Variants in ASAP3 observed in about 807,000 individuals in gnomAD.
ASAP3 encodes ArfGAP with SH3 domain, ankyrin repeat and PH domain 3, also known as arf-GAP with SH3 domain, ANK repeat and PH domain-containing protein 3.
A neutral mutation model predicts 118.2 loss-of-function variants in ASAP3; 85 were observed. The observed-to-expected ratio is 0.72, with a 90% CI of 0.60 to 0.86. The LOEUF (loss-of-function observed/expected upper bound fraction) is 0.86, where lower values mean the gene tolerates loss of function less well. Among genes scored for constraint, ASAP3 ranks in the 40% least tolerant of loss-of-function variants. ASAP3 has a pLI of 0.00. For synonymous variants in ASAP3, 432 were observed against 477.4 expected, an observed-to-expected ratio of 0.90 and a Z score of 1.24; for missense variants, 1,026 against 1,175.0, an observed-to-expected ratio of 0.87 and a Z score of 1.85.
intron 1 of ASAP3, among the ~76,000 whole-genome samples, chr1:23,478,916 A>C (rs1018646838): frequency 2.0e-5 from 3 of 152,194 alleles, no homozygotes; most frequent in African/African-American, 7.2e-5. Flanking sequence ...ACTGTGTGAA[A>C]TAAAGAGGAA....
chr1:23,443,945 T>G (rs1312560710), intron 5 of ASAP3, among the ~76,000 whole-genome samples: 1 of 151,922 alleles, frequency 6.6e-6, no homozygotes. Context: ...ATGGTCTTGA[T>G]CTCCTGACCT....
chr1:23,467,143 C>T (rs1228281358), intron 1 of ASAP3, among the ~76,000 whole-genome samples: 5 of 151,790 alleles, frequency 3.3e-5, no homozygotes, highest in Admixed American at 3.3e-4. Context: ...GGACTACAGG[C>T]GTGAGCCACC....
At chr1:23,444,961 G>A (rs1333756975) in intron 5 of ASAP3, among the ~76,000 whole-genome samples, 1 of 96,756 alleles carries the variant, frequency 1.0e-5, no homozygotes, top group Non-Finnish European at 2.5e-5. Context: ...AGGCTCTGTA[G>A]GCTTTTTTTT....
rs1640742320 is a variant in ASAP3 at position 23,438,152 on chromosome 1, C to T, written c.1102+595G>A. Among the ~76,000 whole-genome samples the T allele has an allele frequency of 6.6e-6, 1 of 152,148 alleles. No homozygotes were observed. Among genetic ancestry groups the T allele is most frequent in the Admixed American group, 6.6e-5 (1 of 15,258 alleles). On this transcript the variant is annotated intron_variant, in intron 12 of 24. Transcript: ENST00000336689. The surrounding 1 kb of genome is among the most constrained non-coding windows in gnomAD (Gnocchi z 4.9). ...TCTTCATTCTACATGTCCTTCAAGG[C>T]TAAACTCAAATACTGTCTCCTCCAG...
chr1:23,471,957 C>T (rs1641974299), intron 1 of ASAP3, among the ~76,000 whole-genome samples: 1 of 152,092 alleles, frequency 6.6e-6, no homozygotes, highest in African/African-American at 2.4e-5. Flanking sequence ...ACGGATGAAC[C>T]TTGAAAACAC....
chr1:23,457,099 T>G (rs918688059), intron 1 of ASAP3, among the ~76,000 whole-genome samples: 1 of 152,060 alleles, frequency 6.6e-6, no homozygotes, highest in African/African-American at 2.4e-5. Context: ...AAACACAGAA[T>G]GTCGAGCTGG....
chr1:23,458,738 TG>T (rs1288748338), intron 1 of ASAP3, among the ~76,000 whole-genome samples: 1 of 151,868 alleles, frequency 6.6e-6, no homozygotes, highest in Non-Finnish European at 1.5e-5. Flanking sequence ...GCCACTTCTA[TG>T]GTTCCCCAAA....
chr1:23,430,715 C>T (rs1490479794), intron 24 of ASAP3, among the ~76,000 whole-genome samples: 1 of 152,202 alleles, frequency 6.6e-6, no homozygotes, highest in Non-Finnish European at 1.5e-5. Context: ...CCCTCAAGGC[C>T]TGGGCTCTCC....
chr1:23,439,714 G>A (rs1307957542), intron 10 of ASAP3, among the ~76,000 whole-genome samples: 4 of 151,252 alleles, frequency 2.6e-5, no homozygotes, highest in Non-Finnish European at 5.9e-5. Context: ...ATATTCATTG[G>A]TTTCTTCTTC....
At chr1:23,453,532 G>A (rs943777181) in intron 3 of ASAP3, among the ~76,000 whole-genome samples, 1 of 152,186 alleles carries the variant, frequency 6.6e-6, no homozygotes, top group African/African-American at 2.4e-5. Flanking sequence ...AAGAGGAAAG[G>A]ATAGAGCCTA....
intron 5 of ASAP3, among the ~76,000 whole-genome samples, chr1:23,443,816 G>A (rs1483571556): frequency 1.1e-4 from 17 of 152,038 alleles, no homozygotes; most frequent in Non-Finnish European, 1.2e-4. Context: ...GGCCTCCTGG[G>A]TTCAAGCGAT....
chr1:23,434,153 G>A lies in ASAP3; in HGVS notation c.1951+101C>T. 2.7e-6 allele frequency: 3 copies of A among 1,117,902 alleles called. 1 individual carries two copies. The South Asian group carries it at 4.1e-5, about 15-fold the overall frequency. 69.2% of individuals were successfully genotyped at this position (1,117,902 alleles called of 1,614,324 possible). On this transcript the variant is annotated intron_variant, in intron 19 of 24. Coordinates refer to ENST00000336689, the MANE Select transcript of ASAP3 (RefSeq NM_017707.4). Reference sequence around the variant, plus strand: ...ATGACAAACCCCTAAGATCACAGAGGTGGTCAGAAGCAAGCCAGGATTAGA... The same window carrying A: ...ATGACAAACCCCTAAGATCACAGAGATGGTCAGAAGCAAGCCAGGATTAGA...
intron 22 of ASAP3, among the ~76,000 whole-genome samples, chr1:23,432,286 C>A (rs1428886973): frequency 6.6e-6 from 1 of 152,174 alleles, no homozygotes; most frequent in Non-Finnish European, 1.5e-5. Flanking sequence ...AGATTACAGG[C>A]ACGAGCCACC....
intron 10 of ASAP3, among the ~76,000 whole-genome samples, chr1:23,440,053 T>C (rs1640806891): frequency 1.3e-5 from 2 of 151,544 alleles, no homozygotes; most frequent in Non-Finnish European, 2.9e-5. Flanking sequence ...TGGCCTCAAG[T>C]GATCTGCCTG....
At chr1:23,471,072 C>T (rs1397771800) in intron 1 of ASAP3, among the ~76,000 whole-genome samples, 1 of 152,238 alleles carries the variant, frequency 6.6e-6, no homozygotes, top group African/African-American at 2.4e-5. Context: ...TCTGGGTTCC[C>T]TTGTTGGCCA....
Position 23,458,738 on chromosome 1 carries a change from T to C in ASAP3, c.130-2544A>G, listed in dbSNP as rs542771409. Among the ~76,000 whole-genome samples the C allele has an allele frequency of 1.6e-4, 25 of 151,982 alleles. No individual in the cohort carries two copies. In the East Asian group the frequency reaches 4.4e-3, roughly 27 times the overall value. On this transcript the variant is annotated intron_variant, in intron 1 of 24. Coordinates refer to ENST00000336689, the MANE Select transcript of ASAP3 (RefSeq NM_017707.4). ...AGAGGCAAGAACATGGCCACTTCTA[T>C]GGTTCCCCAAAATCCAGATGGGGAA...
chr1:23,435,349 G>A (rs552826181), intron 17 of ASAP3, among the ~76,000 whole-genome samples: 34 of 152,166 alleles, frequency 2.2e-4, no homozygotes, highest in African/African-American at 7.7e-4. Context: ...TTTTGATGTC[G>A]AATCAGTCAG....
intron 5 of ASAP3, among the ~76,000 whole-genome samples, chr1:23,451,183 G>A (rs190984963): frequency 3.2e-4 from 49 of 152,258 alleles, no homozygotes; most frequent in Admixed American, 9.8e-4. Flanking sequence ...GCCAGCACGC[G>A]GAGGTGTTTG....
chr1:23,474,451 C>T (rs1642060828), intron 1 of ASAP3, among the ~76,000 whole-genome samples: 1 of 152,096 alleles, frequency 6.6e-6, no homozygotes, highest in Non-Finnish European at 1.5e-5. Context: ...ACTGACAGCC[C>T]GTTCTTGGTC....
Sources: gnomAD v4.1 joint callset for allele counts (sites outside exome capture counted in the v4.1 genomes callset) on GRCh38, gnomAD v4.1.1 for gene constraint, Gnocchi (gnomAD v3.1) non-coding constraint, MANE v1.5 for transcripts, NCBI Gene and HGNC (gene_info 2026-07-23, HGNC 2026-07-21) for gene names.